The following DGKB variants were observed in gnomAD, a reference collection of about 807,000 sequenced individuals.
DGKB encodes the protein diacylglycerol kinase beta.
DGKB carries 67 observed loss-of-function variants against 114.3 expected under a neutral mutation model. The ratio of observed to expected loss-of-function variants is 0.59; its 90% confidence interval spans 0.48 to 0.72. The LOEUF (loss-of-function observed/expected upper bound fraction) is 0.72, where lower values mean the gene tolerates loss of function less well. Among genes scored for constraint, DGKB ranks in the 30% least tolerant of loss-of-function variants. DGKB has a pLI of 0.00. For missense variants in DGKB, 907 were observed against 975.2 expected (o/e 0.93, Z 0.93); for synonymous variants, 398 against 323.1 (o/e 1.23, Z -2.49).
At chr7:14,676,736 T>C (rs1251151607) in intron 12 of DGKB, among the ~76,000 whole-genome samples, 2 of 151,994 alleles carry the variant, frequency 1.3e-5, no homozygotes, top group East Asian at 1.9e-4. Flanking sequence ...ATAACCTATA[T>C]CCCAAATCAG....
rs1048858743 is a variant in DGKB, at chr7:14,478,054, A to G, written c.1835+107T>C. On this transcript the variant is annotated intron_variant, in intron 21 of 25. Coordinates refer to ENST00000402815, the MANE Select transcript of DGKB (RefSeq NM_001350709.2). ...CACACACACACACACACGCACACAA[A>G]GCCTCATAAAGCCAGTAGATTATAA... The G allele has an allele frequency of 8.0e-5, 52 of 649,574 alleles. No individual in the cohort carries two copies. The African/African-American group carries it at 9.2e-4, about 11-fold the overall frequency. 40.2% of individuals were successfully genotyped at this position (649,574 alleles called of 1,614,324 possible). A position where few individuals can be genotyped will look rare whatever the true frequency, so the allele number is the denominator to read the frequency against.
At chr7:14,277,443 G>T (rs553947383) in intron 23 of DGKB, among the ~76,000 whole-genome samples, 315 of 152,256 alleles carry the variant, frequency 2.1e-3, no homozygotes, top group Non-Finnish European at 3.8e-3. Context: ...AAAGTGCTGG[G>T]ATTACAGGCG....
intron 13 of DGKB, among the ~76,000 whole-genome samples, chr7:14,664,998 T>C (rs1308262269): frequency 6.6e-6 from 1 of 151,938 alleles, no homozygotes; most frequent in Non-Finnish European, 1.5e-5. Context: ...AATAATGCAA[T>C]GATCTTAAAG....
chr7:14,817,427 T>C (rs904623439), intron 2 of DGKB, among the ~76,000 whole-genome samples: 5 of 152,228 alleles, frequency 3.3e-5, no homozygotes, highest in Non-Finnish European at 5.9e-5. Flanking sequence ...GATGCTATGA[T>C]ATTTTTTAAA....
intron 23 of DGKB, among the ~76,000 whole-genome samples, chr7:14,210,939 C>G (rs149988408): frequency 6.6e-6 from 1 of 152,078 alleles, no homozygotes; most frequent in Non-Finnish European, 1.5e-5. Flanking sequence ...CCCCTCTCCA[C>G]TGTATCCTTG....
intron 2 of DGKB, among the ~76,000 whole-genome samples, chr7:14,788,739 T>C (rs948889308): frequency 1.1e-4 from 16 of 152,166 alleles, no homozygotes; most frequent in Non-Finnish European, 1.8e-4. Context: ...TGGTCTCCCC[T>C]AATGCTTCCC....
At chr7:14,501,702 T>C (rs918044321) in intron 20 of DGKB, among the ~76,000 whole-genome samples, 1 of 152,116 alleles carries the variant, frequency 6.6e-6, no homozygotes, top group East Asian at 1.9e-4. Context: ...GTGTATTTTG[T>C]GTTTCCTTAC....
chr7:14,691,454 GTAA>G (rs1822849394), intron 9 of DGKB, among the ~76,000 whole-genome samples: 2 of 152,092 alleles, frequency 1.3e-5, no homozygotes, highest in Non-Finnish European at 2.9e-5. Context: ...TTCTCTACAG[GTAA>G]TAATGTAACA....
At chr7:14,269,952 T>C (rs548979750) in intron 23 of DGKB, among the ~76,000 whole-genome samples, 1 of 148,204 alleles carries the variant, frequency 6.7e-6, no homozygotes, top group Non-Finnish European at 1.5e-5. Context: ...AATTAATAAG[T>C]AGGTACCTTG....
At chr7:14,304,071 ACACACACACACACACACT>A (rs1804026351) in intron 23 of DGKB, among the ~76,000 whole-genome samples, 1 of 74,098 alleles carries the variant, frequency 1.3e-5, no homozygotes, top group South Asian at 5.8e-4. Context: ...ACACACACAC[ACACACACACACACACACT>A]CTCTCTCTCT....
At chr7:14,649,803 C>T (rs1814020341) in intron 13 of DGKB, among the ~76,000 whole-genome samples, 2 of 141,522 alleles carry the variant, frequency 1.4e-5, no homozygotes, top group South Asian at 4.7e-4. Flanking sequence ...GGAGGAAGAT[C>T]TACCAAGCAA....
intron 13 of DGKB, among the ~76,000 whole-genome samples, chr7:14,632,479 T>A (rs1259115365): frequency 6.6e-6 from 1 of 151,790 alleles, no homozygotes; most frequent in African/African-American, 2.4e-5. Context: ...ATTGAATATA[T>A]GTGGAAAATA....
intron 1 of DGKB, among the ~76,000 whole-genome samples, chr7:14,861,978 A>G (rs1481523670): frequency 1.3e-5 from 2 of 152,050 alleles, no homozygotes; most frequent in Non-Finnish European, 2.9e-5. Flanking sequence ...TCTCATTTAT[A>G]TGACCACCAG....
intron 1 of DGKB, among the ~76,000 whole-genome samples, chr7:14,865,820 T>C (rs1208764279): frequency 6.6e-6 from 1 of 152,070 alleles, no homozygotes; most frequent in Non-Finnish European, 1.5e-5. Context: ...AGAGTTAAGC[T>C]AAAATGAGAG....
chr7:14,646,138 G>T (rs1812953659), intron 13 of DGKB, among the ~76,000 whole-genome samples: 1 of 152,110 alleles, frequency 6.6e-6, no homozygotes, highest in Admixed American at 6.6e-5. Flanking sequence ...CACTTCACTT[G>T]CAAAGACACT....
At chr7:14,465,024 T>A (rs1467826351) in intron 21 of DGKB, among the ~76,000 whole-genome samples, 4 of 152,146 alleles carry the variant, frequency 2.6e-5, no homozygotes, top group Admixed American at 2.6e-4. Flanking sequence ...AAAAACTTGG[T>A]GAAGATGCTG....
chr7:14,552,737 C>G (rs190964540), intron 20 of DGKB, among the ~76,000 whole-genome samples: 12 of 152,322 alleles, frequency 7.9e-5, no homozygotes, highest in African/African-American at 2.6e-4. Flanking sequence ...TTTCTCTCCA[C>G]TAGGAAAAAT....
intron 1 of DGKB, among the ~76,000 whole-genome samples, chr7:14,941,494 G>A (rs1166863272): frequency 2.6e-5 from 4 of 152,008 alleles, no homozygotes; most frequent in African/African-American, 9.7e-5. Context: ...ATAATTAAAT[G>A]GGTTTCATAC....
In DGKB at chr7:14,242,353, C is replaced by A. The variant is rs576096415; in HGVS notation, c.2123-64202G>T. ...TGTCCTTACATTGTCCTGAAAGTGA[C>A]CTCCTGTGTGACTTTCTGTGAGGTA... On this transcript the variant is annotated intron_variant, in intron 23 of 25. Coordinates refer to ENST00000402815, the MANE Select transcript of DGKB (RefSeq NM_001350709.2). Among the ~76,000 whole-genome samples, 6 of 152,280 alleles carry A rather than the reference C, an allele frequency of 3.9e-5. No homozygotes were observed. In the East Asian group the frequency reaches 9.7e-4, roughly 25 times the overall value.
Sources: gnomAD v4.1 joint callset for allele counts (sites outside exome capture counted in the v4.1 genomes callset) on GRCh38, gnomAD v4.1.1 for gene constraint, MANE v1.5 for transcripts, NCBI Gene and HGNC (gene_info 2026-07-23, HGNC 2026-07-21) for gene names.